MYO1F: variants seen among roughly 807,000 people sequenced by gnomAD.
MYO1F encodes the protein myosin IF.
Under a neutral mutation model 146.6 loss-of-function variants are expected in MYO1F, and 60 were observed. The ratio of observed to expected loss-of-function variants is 0.41; its 90% confidence interval spans 0.33 to 0.51. MYO1F has a LOEUF of 0.51. MYO1F is among the 20% of genes least tolerant of loss of function. MYO1F has a pLI of 0.25. For synonymous variants in MYO1F, 602 were observed against 602.1 expected, an observed-to-expected ratio of 1.00 and a Z score of 0.00; for missense variants, 1,274 against 1,534.3, an observed-to-expected ratio of 0.83 and a Z score of 2.83.
At chr19:8,560,760 A>G (rs1974058984) in intron 1 of MYO1F, among the ~76,000 whole-genome samples, 1 of 79,902 alleles carries the variant, frequency 1.3e-5, no homozygotes. Flanking sequence ...TTTTTTTGAG[A>G]CAGAGTCTTG....
At chr19:8,570,928 G>A (rs1413355814) in intron 1 of MYO1F, among the ~76,000 whole-genome samples, 6 of 152,134 alleles carry the variant, frequency 3.9e-5, no homozygotes, top group African/African-American at 4.8e-5. Flanking sequence ...TGGGAACATC[G>A]AGGGGTGCAA....
intron 21 of MYO1F, chr19:8,529,847 T>G (rs1348373874): frequency 2.2e-6 from 1 of 463,738 alleles, no homozygotes; most frequent in African/African-American, 2.0e-5. Flanking sequence ...GATGTACCTG[T>G]GATGGAACAG....
intron 1 of MYO1F, among the ~76,000 whole-genome samples, chr19:8,574,527 TTCCC>T (rs2042167400): frequency 6.8e-6 from 1 of 146,602 alleles, no homozygotes; most frequent in Non-Finnish European, 1.5e-5. Flanking sequence ...TTCTTCTTTT[TTCCC>T]TTTCTTTCTT....
At position 8,530,537 on chromosome 19, in the gene MYO1F, C is replaced by G. The variant is rs1972442645; in HGVS notation, c.2080G>C (p.Asp694His). ...TTCTGGATGGTTCGGGCAAAGCCAT[C>G]GAACTTTCGCTCTCGCACCTCCTCC... ...LLEEVRERKF[D>H]GFARTIQKAW... Residue 694 changes from aspartate (D) to histidine (H), a missense_variant, in exon 20 of 28, where the codon GAT becomes CAT. Asp to His is a moderately conservative substitution (Grantham distance 81, BLOSUM62 -1). Coordinates refer to ENST00000644032, the MANE Select transcript of MYO1F (RefSeq NM_012335.4). The surrounding 1 kb of genome is among the most constrained non-coding windows in gnomAD (Gnocchi z 5.8). 6.2e-7 allele frequency: 1 copy of G among 1,613,132 alleles called. No homozygotes were observed. Among genetic ancestry groups the G allele is most frequent in the South Asian group, 1.1e-5 (1 of 91,078 alleles).
At chr19:8,553,894 A>ACTCTCTCTCTCTCTCTCT (rs530875155) in intron 4 of MYO1F, among the ~76,000 whole-genome samples, 42 of 102,662 alleles carry the variant, frequency 4.1e-4, no homozygotes, top group Middle Eastern at 4.7e-3. Flanking sequence ...ACACACACAC[A>ACTCTCTCTCTCTCTCTCT]CTCTCTCTCT....
At chr19:8,525,628 T>A in intron 24 of MYO1F, 66 bp from the exon 25 acceptor site, 1 of 1,388,148 alleles carries the variant, frequency 7.2e-7, no homozygotes, top group Non-Finnish European at 1.0e-6. Context: ...CCCACAAATC[T>A]AGTCCATTCT....
At chr19:8,574,014 A>G (rs1413362279) in intron 1 of MYO1F, among the ~76,000 whole-genome samples, 2 of 152,100 alleles carry the variant, frequency 1.3e-5, no homozygotes, top group Non-Finnish European at 2.9e-5. Flanking sequence ...GAAACCAACA[A>G]TAAACTACCA....
Position 8,527,437 on chromosome 19 carries a change from A to G in MYO1F, c.2375T>C (p.Ile792Thr), listed in dbSNP as rs1568332951. The G allele has an allele frequency of 1.9e-5, 31 of 1,614,040 alleles. No homozygotes were observed. Among genetic ancestry groups the G allele is most frequent in the Non-Finnish European group, 2.6e-5 (31 of 1,179,984 alleles). Residue 792 changes from isoleucine to threonine, a missense_variant, in exon 22 of 28, where the codon ATT (isoleucine) becomes ACT (threonine). Coordinates refer to ENST00000644032, the MANE Select transcript of MYO1F (RefSeq NM_012335.4). Reference sequence around the variant, plus strand: ...TCCCTTCTTCACTTTCTCTCGCCCAATCACATACACACACTTGGGCGTCAG... The same window carrying G: ...TCCCTTCTTCACTTTCTCTCGCCCAGTCACATACACACACTTGGGCGTCAG... ...LILTPKCVYV[I>T]GREKVKKGPE...
chr19:8,568,023 C>G (rs1466591383), intron 1 of MYO1F, among the ~76,000 whole-genome samples: 2 of 152,224 alleles, frequency 1.3e-5, no homozygotes, highest in South Asian at 4.1e-4. Context: ...CCCTTCCCCT[C>G]TTTCCTCATC....
At position 8,522,791 on chromosome 19, in the gene MYO1F, CCCCT is replaced by C; in HGVS notation, c.2889_2892del (p.Gly964AlafsTer96). ...GACATGATCTCCAGGGGCAGGGGGC[CCCCT>C]CTGGCAGAGGGGGGCACCCCATTGC... On this transcript the variant is annotated frameshift_variant, in exon 26 of 28. Coordinates refer to ENST00000644032, the MANE Select transcript of MYO1F (RefSeq NM_012335.4). LOFTEE classifies it high-confidence loss of function. 1 of 1,597,686 alleles carries C rather than the reference CCCCT, an allele frequency of 6.3e-7. No homozygotes were observed.
intron 10 of MYO1F, chr19:8,549,745 T>G (rs1973523595): frequency 4.4e-6 from 1 of 228,228 alleles, no homozygotes; most frequent in African/African-American, 2.3e-5. Context: ...CCTCAAGTGA[T>G]CCATCCACCT....
Position 8,530,348 on chromosome 19 carries a change from T to G in MYO1F, c.2176A>C (p.Asn726His), listed in dbSNP as rs1442319835. The part of the protein sequence containing the change: ...MREEASNILL[N>H]KKERRRNSIN... Reference sequence around the variant, plus strand: ...CTGTTGCGCCTCCGCTCCTTCTTGTTCAGCAGGATGTTGGAAGCTGCGGGG... The same window carrying G: ...CTGTTGCGCCTCCGCTCCTTCTTGTGCAGCAGGATGTTGGAAGCTGCGGGG... The change falls in exon 21 of 28, where the codon AAC becomes CAC. Residue 726 changes from asparagine to histidine, a missense_variant. Transcript: ENST00000644032. The surrounding 1 kb of genome is among the most constrained non-coding windows in gnomAD (Gnocchi z 5.8). The G allele has an allele frequency of 1.2e-6, 2 of 1,614,064 alleles. No homozygotes were observed. The highest frequency in any genetic ancestry group is 1.7e-6 in the Non-Finnish European group (2 of 1,180,038).
chr19:8,548,237 C>T lies in MYO1F; in HGVS notation c.1182G>A (p.Gln394=). The part of the protein sequence containing the change: ...VLDIYGFEIF[Q]KNGFEQFCIN... Reference sequence around the variant, plus strand: ...GTGGGCTGGAGGCAGGGGGCCGTACCTGGAAGATCTCGAAGCCGTAAATGT... The same window carrying T: ...GTGGGCTGGAGGCAGGGGGCCGTACTTGGAAGATCTCGAAGCCGTAAATGT... The change falls in exon 11 of 28, where the codon CAG becomes CAA. Residue 394 remains glutamine, a splice_region_variant and synonymous_variant. Coordinates refer to ENST00000644032, the MANE Select transcript of MYO1F (RefSeq NM_012335.4). The T allele has an allele frequency of 6.2e-7, 1 of 1,613,986 alleles. No individual in the cohort carries two copies. The highest frequency in any genetic ancestry group is 8.5e-7 in the Non-Finnish European group (1 of 1,179,988).
At chr19:8,522,306 G>A (rs1972092266) in intron 27 of MYO1F, 71 bp downstream of exon 27, 19 of 1,598,716 alleles carry the variant, frequency 1.2e-5, no homozygotes, top group Non-Finnish European at 1.4e-5. Flanking sequence ...ACAGGCGTGA[G>A]CCACCGCGCC....
At chr19:8,553,894 A>ACACACACACACTCTCTCT in intron 4 of MYO1F, among the ~76,000 whole-genome samples, 114 of 102,660 alleles carry the variant, frequency 1.1e-3, no homozygotes, top group South Asian at 2.0e-3. Flanking sequence ...ACACACACAC[A>ACACACACACACTCTCTCT]CTCTCTCTCT....
At chr19:8,574,559 CTTTCTTTCTTTCTT>C (rs1344817256) in intron 1 of MYO1F, among the ~76,000 whole-genome samples, 9 of 88,118 alleles carry the variant, frequency 1.0e-4, no homozygotes, top group Non-Finnish European at 1.6e-4. Flanking sequence ...TTCTTTCTTT[CTTTCTTTCTTTCTT>C]TCTTTCTCTC....
intron 1 of MYO1F, among the ~76,000 whole-genome samples, chr19:8,562,194 G>A (rs1974170969): frequency 6.6e-6 from 1 of 151,192 alleles, no homozygotes; most frequent in African/African-American, 2.4e-5. Flanking sequence ...GTGGAGACGA[G>A]GTTTCACCGT....
intron 23 of MYO1F, 85 bp from the exon 24 acceptor site, chr19:8,526,686 C>CGGGG: frequency 6.5e-7 from 1 of 1,536,830 alleles, no homozygotes; most frequent in East Asian, 2.4e-5. Context: ...GGGGCGGGGC[C>CGGGG]GCGGCCGGGG....
At chr19:8,536,893 A>C in intron 17 of MYO1F, 56 bp downstream of exon 17, 5 of 1,026,200 alleles carry the variant, frequency 4.9e-6, no homozygotes, top group Non-Finnish European at 5.4e-6. Flanking sequence ...GGTCAGTTCT[A>C]GGGGTAACTG....
Sources: gnomAD v4.1 joint callset for allele counts (sites outside exome capture counted in the v4.1 genomes callset) on GRCh38, gnomAD v4.1.1 for gene constraint, Gnocchi (gnomAD v3.1) non-coding constraint, MANE v1.5 for transcripts, NCBI Gene and HGNC (gene_info 2026-07-23, HGNC 2026-07-21) for gene names.